The following MVB12B variants were observed in gnomAD, a reference collection of about 807,000 sequenced individuals.
MVB12B encodes the protein multivesicular body subunit 12B, also known as ESCRT-I complex subunit MVB12B.
MVB12B carries 16 observed loss-of-function variants against 41.6 expected under a neutral mutation model. The observed-to-expected ratio is 0.38, with a 90% CI of 0.26 to 0.58. The LOEUF (loss-of-function observed/expected upper bound fraction) is 0.58. MVB12B is among the 20% of genes least tolerant of loss of function. MVB12B has a pLI of 0.62. For missense variants in MVB12B, 274 were observed against 380.2 expected, an observed-to-expected ratio of 0.72 and a Z score of 2.32; for synonymous variants, 133 against 139.7, an observed-to-expected ratio of 0.95 and a Z score of 0.34.
At chr9:126,471,476 C>T (rs2119191302) in intron 7 of MVB12B, among the ~76,000 whole-genome samples, 1 of 152,304 alleles carries the variant, frequency 6.6e-6, no homozygotes, top group East Asian at 1.9e-4. Flanking sequence ...CATGGCAAAA[C>T]AAATTACTTT....
At chr9:126,335,906 C>T (rs903762983) in intron 1 of MVB12B, among the ~76,000 whole-genome samples, 1 of 152,332 alleles carries the variant, frequency 6.6e-6, no homozygotes, top group Middle Eastern at 3.4e-3. Flanking sequence ...TTTAGCCTGC[C>T]CCCCGTTAAT....
chr9:126,450,433 A>G (rs1832868383), intron 7 of MVB12B, among the ~76,000 whole-genome samples: 1 of 152,280 alleles, frequency 6.6e-6, no homozygotes, highest in Non-Finnish European at 1.5e-5. Flanking sequence ...TCTTGGAGAC[A>G]TTGTCAGCCT....
chr9:126,447,652 TCA>T (rs1832806146), intron 7 of MVB12B, among the ~76,000 whole-genome samples: 1 of 152,222 alleles, frequency 6.6e-6, no homozygotes, highest in Non-Finnish European at 1.5e-5. Flanking sequence ...CTTCTCTCTG[TCA>T]CAGTGTTTGA....
chr9:126,499,996 C>T (rs1397633879), intron 9 of MVB12B, among the ~76,000 whole-genome samples: 1 of 152,182 alleles, frequency 6.6e-6, no homozygotes, highest in African/African-American at 2.4e-5. Context: ...AGCCCCTCTG[C>T]CGAATCAGCC....
chr9:126,336,063 G>A (rs1282995861), intron 1 of MVB12B, among the ~76,000 whole-genome samples: 3 of 152,240 alleles, frequency 2.0e-5, no homozygotes, highest in African/African-American at 4.8e-5. Flanking sequence ...CACTGCCCAG[G>A]GCACCTGCTT....
In MVB12B at chr9:126,382,620, C is replaced by CT. The variant is rs535440122; in HGVS notation, c.312+1450dup. Among the ~76,000 whole-genome samples the CT allele has an allele frequency of 1.9e-4, 29 of 152,228 alleles. No individual in the cohort carries two copies. The South Asian group carries it at 5.8e-3, about 31-fold the overall frequency. ...GAGGTACCCAGGAGTGGGCTGAAGG[C>CT]TGAGTAGAGGCTTCAGTTAAAAATG... On this transcript the variant is annotated intron_variant, in intron 3 of 9. Coordinates refer to ENST00000361171, the MANE Select transcript of MVB12B (RefSeq NM_033446.3).
In MVB12B at chr9:126,480,165, C is replaced by T. The variant is rs1833498122; in HGVS notation, c.758-1204C>T. Among the ~76,000 whole-genome samples, 1 of 152,232 alleles carries T rather than the reference C, an allele frequency of 6.6e-6. No individual in the cohort carries two copies. Among genetic ancestry groups the T allele is most frequent in the Non-Finnish European group, 1.5e-5 (1 of 68,044 alleles). On this transcript the variant is annotated intron_variant, in intron 7 of 9. Transcript: ENST00000361171. The surrounding 1 kb of genome is among the most constrained non-coding windows in gnomAD (Gnocchi z 4.9). ...TTCTCCCTGAAACCACAATTTACTG[C>T]ATAGCCACCACCTCAGGGTGCGGCC...
At chr9:126,438,535 T>C (rs972820582) in intron 7 of MVB12B, among the ~76,000 whole-genome samples, 2 of 152,242 alleles carry the variant, frequency 1.3e-5, no homozygotes, top group African/African-American at 4.8e-5. Context: ...GTAACATTCA[T>C]GTAGGCTGAT....
intron 1 of MVB12B, among the ~76,000 whole-genome samples, chr9:126,331,173 A>T (rs1051403041): frequency 2.0e-5 from 3 of 152,208 alleles, no homozygotes; most frequent in African/African-American, 7.2e-5. Flanking sequence ...TTTTCTGCGG[A>T]ACCACCACAC....
Position 126,376,714 on chromosome 9 carries a change from G to A in MVB12B, c.205-4350G>A. 2 of 1,254,988 alleles carry A rather than the reference G, an allele frequency of 1.6e-6. No homozygotes were observed. The highest frequency in any genetic ancestry group is 2.1e-6 in the Non-Finnish European group (2 of 968,110). The allele number at this position is 1,254,988 out of a possible 1,614,324, so 77.7% of individuals were successfully genotyped here. On this transcript the variant is annotated intron_variant, in intron 2 of 9. Coordinates refer to ENST00000361171, the MANE Select transcript of MVB12B (RefSeq NM_033446.3). The surrounding 1 kb of genome is among the most constrained non-coding windows in gnomAD (Gnocchi z 4.1). ...CAATTACCCTCGTTTCCACTCTGAA[G>A]TTGCACCTCCTCCCCCACCTCCTCC...
At chr9:126,487,715 C>T (rs995090570) in intron 9 of MVB12B, among the ~76,000 whole-genome samples, 2 of 148,058 alleles carry the variant, frequency 1.4e-5, no homozygotes, top group African/African-American at 5.0e-5. Flanking sequence ...TGCAGTGAGC[C>T]GAGATTGCAC....
chr9:126,417,864 G>A (rs1196581407), intron 6 of MVB12B, among the ~76,000 whole-genome samples: 2 of 152,180 alleles, frequency 1.3e-5, no homozygotes, highest in Non-Finnish European at 2.9e-5. Context: ...TGGTTGGGTG[G>A]GATCTTGAAG....
rs370464876 is a variant in MVB12B, at chr9:126,483,975, G to C, written c.816G>C (p.Met272Ile). 5 of 1,613,994 alleles carry C rather than the reference G, an allele frequency of 3.1e-6. No individual in the cohort carries two copies. In the African/African-American group the frequency reaches 5.3e-5, roughly 17 times the overall value. The change falls in exon 9 of 10, where the codon ATG becomes ATC. Residue 272 changes from methionine to isoleucine, a missense_variant and splice_region_variant. Coordinates refer to ENST00000361171, the MANE Select transcript of MVB12B (RefSeq NM_033446.3). The part of the protein sequence containing the change: ...SEKFSCVPES[M>I]QPFDLLGITI... ...GGCAACTTCATCTGTGTTTTCAGAT[G>C]CAGCCCTTTGATCTCCTGGGAATCA...
chr9:126,445,387 A>G (rs1052752680), intron 7 of MVB12B, among the ~76,000 whole-genome samples: 6 of 151,944 alleles, frequency 3.9e-5, no homozygotes, highest in African/African-American at 1.2e-4. Flanking sequence ...GCTCACTGCA[A>G]CCTCCGCCTC....
intron 7 of MVB12B, among the ~76,000 whole-genome samples, chr9:126,438,739 T>C (rs748377467): frequency 1.3e-5 from 2 of 152,220 alleles, no homozygotes; most frequent in Non-Finnish European, 2.9e-5. Flanking sequence ...GAGCTCTCTG[T>C]TGCATCAGAA....
At position 126,506,725 on chromosome 9, in the gene MVB12B, A is replaced by C. The variant is rs1834080496; in HGVS notation, c.*3462A>C. ...GGTTCGCAGCCTGCCTTGCCCCTGGAGGCCACGCCAGGCGCTCACCCCTGA... is the reference window on the plus strand; with the variant it reads ...GGTTCGCAGCCTGCCTTGCCCCTGGCGGCCACGCCAGGCGCTCACCCCTGA... On this transcript the variant is annotated 3_prime_UTR_variant, in exon 10 of 10. Coordinates refer to ENST00000361171, the MANE Select transcript of MVB12B (RefSeq NM_033446.3). The C allele has an allele frequency of 6.6e-6, 1 of 152,184 alleles. No homozygotes were observed. The highest frequency in any genetic ancestry group is 2.4e-5 in the African/African-American group (1 of 41,432). The allele number at this position is 152,184 out of a possible 1,614,324, so 9.4% of individuals were successfully genotyped here.
intron 6 of MVB12B, among the ~76,000 whole-genome samples, chr9:126,413,818 T>TTGTGTGTGTGTGTGTGTGTGTG (rs34089808): frequency 9.1e-6 from 1 of 109,390 alleles, no homozygotes; most frequent in African/African-American, 3.1e-5. Flanking sequence ...ACCCCATTGG[T>TTGTGTGTGTGTGTGTGTGTGTG]TGTGTGTGTG....
At chr9:126,426,330 C>A (rs965055382) in intron 7 of MVB12B, among the ~76,000 whole-genome samples, 1 of 152,210 alleles carries the variant, frequency 6.6e-6, no homozygotes, top group Non-Finnish European at 1.5e-5. Context: ...CTGACTGTAG[C>A]TTTCCTGGTG....
At chr9:126,397,010 G>T in intron 6 of MVB12B, 2 of 985,588 alleles carry the variant, frequency 2.0e-6, no homozygotes, top group Non-Finnish European at 2.4e-6. Context: ...GCTATATCAG[G>T]TGTGTCACCT....
Sources: gnomAD v4.1 joint callset for allele counts (sites outside exome capture counted in the v4.1 genomes callset) on GRCh38, gnomAD v4.1.1 for gene constraint, Gnocchi (gnomAD v3.1) non-coding constraint, MANE v1.5 for transcripts, NCBI Gene and HGNC (gene_info 2026-07-23, HGNC 2026-07-21) for gene names.